The following ADAMTS16 variants were observed in gnomAD, a reference collection of about 807,000 sequenced individuals.
The protein encoded by ADAMTS16 is ADAM metallopeptidase with thrombospondin type 1 motif 16, also known as A disintegrin and metalloproteinase with thrombospondin motifs 16.
In ADAMTS16, 94 loss-of-function variants were observed where a neutral mutation model predicts 145.8. The ratio of observed to expected loss-of-function variants is 0.64; its 90% CI spans 0.55 to 0.77. ADAMTS16 has a LOEUF of 0.77. ADAMTS16 is among the 30% of genes least tolerant of loss of function. The pLI, the probability that ADAMTS16 is intolerant of heterozygous loss-of-function variation, is 0.00. For synonymous variants in ADAMTS16, 659 were observed against 604.3 expected (o/e 1.09, Z -1.33); for missense variants, 1,585 against 1,591.5 (o/e 1.00, Z 0.07).
intron 16 of ADAMTS16, among the ~76,000 whole-genome samples, chr5:5,241,761 A>G (rs533561733): frequency 3.2e-3 from 490 of 152,342 alleles, no homozygotes; most frequent in Non-Finnish European, 5.0e-3. Context: ...ATAAAAAATG[A>G]TAACTTAGAA....
At chr5:5,183,258 T>G (rs1474386747) in intron 4 of ADAMTS16, among the ~76,000 whole-genome samples, 3 of 152,132 alleles carry the variant, frequency 2.0e-5, no homozygotes, top group Non-Finnish European at 4.4e-5. Context: ...GGAAGAACCA[T>G]GCTGAGAACA....
intron 3 of ADAMTS16, among the ~76,000 whole-genome samples, chr5:5,169,360 G>C (rs1247359870): frequency 6.6e-5 from 10 of 152,196 alleles, no homozygotes; most frequent in Non-Finnish European, 4.4e-5. Context: ...TCCAGCGAAG[G>C]CTGAAGAGGG....
At chr5:5,226,701 A>G (rs1736776544) in intron 11 of ADAMTS16, among the ~76,000 whole-genome samples, 1 of 152,136 alleles carries the variant, frequency 6.6e-6, no homozygotes, top group Non-Finnish European at 1.5e-5. Context: ...TCTCTCTGCT[A>G]CTGAGGGTGC....
intron 17 of ADAMTS16, among the ~76,000 whole-genome samples, chr5:5,244,370 T>C (rs1039317065): frequency 1.3e-5 from 2 of 152,206 alleles, no homozygotes; most frequent in African/African-American, 4.8e-5. Flanking sequence ...TTGCCATGTA[T>C]TGAGCACCTA....
At chr5:5,222,437 G>A (rs538238505) in intron 10 of ADAMTS16, among the ~76,000 whole-genome samples, 3 of 152,106 alleles carry the variant, frequency 2.0e-5, no homozygotes, top group Non-Finnish European at 4.4e-5. Context: ...GTGGGGTTGA[G>A]AAGGATACAT....
chr5:5,149,765 C>T (rs1037495019), intron 3 of ADAMTS16, among the ~76,000 whole-genome samples: 3 of 152,196 alleles, frequency 2.0e-5, no homozygotes, highest in African/African-American at 7.2e-5. Flanking sequence ...TATAGGTTTG[C>T]CTAATCTGGC....
chr5:5,200,005 T>C, intron 8 of ADAMTS16, 127 bp from the exon 9 acceptor site: 1 of 1,167,164 alleles, frequency 8.6e-7, no homozygotes, highest in Non-Finnish European at 1.2e-6. Context: ...TGACTTTTAT[T>C]TTTGCCTGCC....
chr5:5,231,968 C>T (rs1444521134), intron 11 of ADAMTS16, among the ~76,000 whole-genome samples: 2 of 152,164 alleles, frequency 1.3e-5, no homozygotes, highest in African/African-American at 4.8e-5. Flanking sequence ...TGCTTTCCTA[C>T]CTGAGACTCT....
chr5:5,304,673 T>C (rs1739953279), intron 20 of ADAMTS16, among the ~76,000 whole-genome samples: 1 of 152,096 alleles, frequency 6.6e-6, no homozygotes. Context: ...AGGCATTGAA[T>C]CCTGTTGAGA....
chr5:5,309,626 C>T (rs1288446624), intron 21 of ADAMTS16, among the ~76,000 whole-genome samples: 1 of 152,130 alleles, frequency 6.6e-6, no homozygotes, highest in South Asian at 2.1e-4. Context: ...TTTCATTGTG[C>T]GTGGATACTG....
At chr5:5,264,501 C>T (rs868731674) in intron 18 of ADAMTS16, among the ~76,000 whole-genome samples, 1 of 152,144 alleles carries the variant, frequency 6.6e-6, no homozygotes, top group East Asian at 1.9e-4. Flanking sequence ...TGGGTACTCT[C>T]CCCGAGGCAA....
chr5:5,233,177 A>G (rs1484351477), intron 12 of ADAMTS16, among the ~76,000 whole-genome samples: 2 of 150,588 alleles, frequency 1.3e-5, no homozygotes, highest in Non-Finnish European at 3.0e-5. Context: ...ATCAGTAAGA[A>G]CAATGGTTTT....
At chr5:5,178,093 C>T (rs1254548977) in intron 3 of ADAMTS16, among the ~76,000 whole-genome samples, 3 of 152,220 alleles carry the variant, frequency 2.0e-5, no homozygotes, top group Non-Finnish European at 4.4e-5. Flanking sequence ...AAATATACTA[C>T]AGTAAACATC....
At chr5:5,225,220 T>A (rs192857867) in intron 11 of ADAMTS16, among the ~76,000 whole-genome samples, 12 of 146,382 alleles carry the variant, frequency 8.2e-5, no homozygotes, top group African/African-American at 2.9e-4. Context: ...AAGTTGGGGA[T>A]GTGCTCTGGG....
intron 21 of ADAMTS16, among the ~76,000 whole-genome samples, chr5:5,309,237 C>T (rs1740314311): frequency 1.3e-5 from 2 of 152,222 alleles, no homozygotes; most frequent in Admixed American, 1.3e-4. Flanking sequence ...GAAGCCATCT[C>T]TGGATTGTTA....
At chr5:5,148,547 A>G (rs10462804) in intron 3 of ADAMTS16, among the ~76,000 whole-genome samples, 85,767 of 152,126 alleles carry the variant, frequency 0.56, 24,991 homozygotes, top group Middle Eastern at 0.79. Context: ...AAACTGGTAC[A>G]TAGTTTTTCA....
intron 13 of ADAMTS16, 25 bp downstream of exon 13, chr5:5,235,211 A>G (rs1311108156): frequency 4.5e-6 from 7 of 1,538,486 alleles, no homozygotes; most frequent in Non-Finnish European, 6.2e-6. Context: ...GCTTTCGGGT[A>G]ATAGCCTCAT....
intron 17 of ADAMTS16, among the ~76,000 whole-genome samples, chr5:5,258,592 G>A (rs1382189258): frequency 1.3e-5 from 2 of 152,184 alleles, no homozygotes; most frequent in Admixed American, 6.5e-5. Flanking sequence ...TTGATTGAAA[G>A]GGATGAGAAG....
At chr5:5,247,486 T>G (rs916196052) in intron 17 of ADAMTS16, among the ~76,000 whole-genome samples, 1 of 151,984 alleles carries the variant, frequency 6.6e-6, no homozygotes, top group African/African-American at 2.4e-5. Flanking sequence ...TTTCATCAAG[T>G]GTGCTCAGAG....
Sources: allele counts gnomAD v4.1 joint callset (sites outside exome capture counted in the v4.1 genomes callset), GRCh38; gene constraint gnomAD v4.1.1; transcripts MANE v1.5; gene names NCBI Gene and HGNC (gene_info 2026-07-23, HGNC 2026-07-21).